CACNA2D3: variants seen among roughly 807,000 people sequenced by gnomAD.
The protein encoded by CACNA2D3 is voltage-dependent calcium channel subunit alpha-2/delta-3.
CACNA2D3 carries 60 observed loss-of-function variants against 160.6 expected under a neutral mutation model. That is an observed-to-expected ratio of 0.37 (90% confidence interval 0.30 to 0.46). The LOEUF is 0.46. CACNA2D3 is among the 20% of genes least tolerant of loss of function. The pLI is 1.00. For missense variants in CACNA2D3, 1,205 were observed against 1,365.0 expected (o/e 0.88, Z 1.85); for synonymous variants, 558 against 492.9 (o/e 1.13, Z -1.75).
intron 27 of CACNA2D3, among the ~76,000 whole-genome samples, chr3:54,967,854 G>A (rs1702185210): frequency 6.6e-6 from 1 of 152,112 alleles, no homozygotes; most frequent in Non-Finnish European, 1.5e-5. Flanking sequence ...ATTCACAGTT[G>A]CTTTAGGAAG....
intron 35 of CACNA2D3, among the ~76,000 whole-genome samples, chr3:55,056,492 G>C (rs889418345): frequency 2.0e-5 from 3 of 152,154 alleles, no homozygotes; most frequent in African/African-American, 7.2e-5. Flanking sequence ...TTTTTAAAGA[G>C]ATATCTGCAC....
intron 27 of CACNA2D3, among the ~76,000 whole-genome samples, chr3:54,933,196 T>A (rs1280098922): frequency 6.6e-6 from 1 of 152,152 alleles, no homozygotes; most frequent in Non-Finnish European, 1.5e-5. Flanking sequence ...GAATATATTT[T>A]AAAATGACAA....
chr3:54,324,845 C>T (rs1315819676), intron 3 of CACNA2D3, among the ~76,000 whole-genome samples: 1 of 152,116 alleles, frequency 6.6e-6, no homozygotes, highest in Non-Finnish European at 1.5e-5. Flanking sequence ...TGCACCAGTC[C>T]TCTGCCAACT....
chr3:54,727,516 A>C (rs1280235426), intron 11 of CACNA2D3, among the ~76,000 whole-genome samples: 2 of 152,264 alleles, frequency 1.3e-5, no homozygotes, highest in African/African-American at 2.4e-5. Flanking sequence ...CCAAATGTCT[A>C]TCAATAATAG....
chr3:54,358,591 A>C (rs1698689600), intron 3 of CACNA2D3, among the ~76,000 whole-genome samples: 1 of 152,232 alleles, frequency 6.6e-6, no homozygotes, highest in Non-Finnish European at 1.5e-5. Context: ...GCAATCTCCC[A>C]GGATGAGAGA....
intron 35 of CACNA2D3, among the ~76,000 whole-genome samples, chr3:55,042,318 A>G (rs528359917): frequency 3.7e-4 from 56 of 152,132 alleles, no homozygotes; most frequent in Non-Finnish European, 6.2e-4. Flanking sequence ...CATTATTTTG[A>G]AATCCTGTTA....
At position 54,411,638 on chromosome 3, in the gene CACNA2D3, G is replaced by A. The variant is rs567020225; in HGVS notation, c.381+24864G>A. On this transcript the variant is annotated intron_variant, in intron 4 of 37. Transcript: ENST00000474759. Reference sequence around the variant, plus strand: ...GGTATAGTATAAACGTAACTTTTATGTGTACTGAGAAACAAAAAAATTCAT... The same window carrying A: ...GGTATAGTATAAACGTAACTTTTATATGTACTGAGAAACAAAAAAATTCAT... Among the ~76,000 whole-genome samples the A allele has an allele frequency of 2.6e-5, 4 of 152,272 alleles. 1 individual carries two copies. In the South Asian group the frequency reaches 8.3e-4, roughly 32 times the overall value.
At chr3:54,918,319 ATCTTTTTTTTT>A (rs1700713952) in intron 27 of CACNA2D3, 19 of 642,854 alleles carry the variant, frequency 3.0e-5, no homozygotes, top group African/African-American at 2.4e-4. Flanking sequence ...TTACAGACAC[ATCTTTTTTTTT>A]TCTTTTTTTT....
intron 4 of CACNA2D3, among the ~76,000 whole-genome samples, chr3:54,479,264 G>T (rs1700893376): frequency 6.6e-6 from 1 of 152,108 alleles, no homozygotes; most frequent in Non-Finnish European, 1.5e-5. Context: ...CTCCAGCCAA[G>T]CTGAACTGTG....
intron 23 of CACNA2D3, among the ~76,000 whole-genome samples, chr3:54,886,189 TAA>T (rs10574962): frequency 0.014 from 2,136 of 152,340 alleles, 46 homozygotes; most frequent in African/African-American, 0.049. Context: ...GGAGAGCCAC[TAA>T]AACTGATCAT....
chr3:54,949,084 C>T (rs1229315832), intron 27 of CACNA2D3, among the ~76,000 whole-genome samples: 1 of 152,128 alleles, frequency 6.6e-6, no homozygotes, highest in Non-Finnish European at 1.5e-5. Flanking sequence ...TCCAGTGCCC[C>T]CAGTATTCAT....
intron 2 of CACNA2D3, among the ~76,000 whole-genome samples, chr3:54,154,663 G>A (rs1700211774): frequency 6.6e-6 from 1 of 152,128 alleles, no homozygotes; most frequent in African/African-American, 2.4e-5. Context: ...CCTCTGGGTG[G>A]ATTTACCCAG....
intron 11 of CACNA2D3, among the ~76,000 whole-genome samples, chr3:54,682,329 A>G (rs988810618): frequency 6.6e-6 from 1 of 152,190 alleles, no homozygotes; most frequent in African/African-American, 2.4e-5. Context: ...AATGAAATCA[A>G]TAAGGAATAG....
chr3:54,374,400 G>A lies in CACNA2D3; in HGVS notation c.322-12315G>A, dbSNP rs144022375. On this transcript the variant is annotated intron_variant, in intron 3 of 37. Transcript: ENST00000474759. ...TGACCTGGAGCCCTGCTCAGGGCGA[G>A]GGAGTCAAGAGCATGTGGTGGTAGG... 4.6e-3 allele frequency among the ~76,000 whole-genome samples: 694 copies of A among 152,334 alleles called. 6 individuals carry two copies. Among genetic ancestry groups the A allele is most frequent in the African/African-American group, 0.016 (653 of 41,572 alleles).
chr3:54,533,956 T>C (rs1282877265), intron 5 of CACNA2D3, among the ~76,000 whole-genome samples: 1 of 152,172 alleles, frequency 6.6e-6, no homozygotes, highest in African/African-American at 2.4e-5. Flanking sequence ...TTTGTGAATG[T>C]TTCCAAATAA....
At chr3:54,447,559 C>T (rs750246900) in intron 4 of CACNA2D3, among the ~76,000 whole-genome samples, 4 of 152,190 alleles carry the variant, frequency 2.6e-5, no homozygotes, top group Non-Finnish European at 5.9e-5. Context: ...CAGAGCCAGG[C>T]AGAGCTTTTG....
intron 2 of CACNA2D3, among the ~76,000 whole-genome samples, chr3:54,292,793 G>A (rs1703242368): frequency 6.6e-6 from 1 of 152,140 alleles, no homozygotes; most frequent in African/African-American, 2.4e-5. Flanking sequence ...TAAATATAGA[G>A]TTACCATCTG....
intron 17 of CACNA2D3, among the ~76,000 whole-genome samples, chr3:54,851,232 A>G (rs777588965): frequency 6.6e-5 from 10 of 152,216 alleles, no homozygotes; most frequent in Non-Finnish European, 1.3e-4. Flanking sequence ...CTAGGATATT[A>G]TGTGCCTTGG....
At chr3:54,338,324 A>G (rs1404596624) in intron 3 of CACNA2D3, among the ~76,000 whole-genome samples, 1 of 152,200 alleles carries the variant, frequency 6.6e-6, no homozygotes, top group Non-Finnish European at 1.5e-5. Flanking sequence ...CCACTGCCAC[A>G]TGTGTGCTCT....
Sources: allele counts gnomAD v4.1 joint callset (sites outside exome capture counted in the v4.1 genomes callset), GRCh38; gene constraint gnomAD v4.1.1; transcripts MANE v1.5; gene names NCBI Gene and HGNC (gene_info 2026-07-23, HGNC 2026-07-21).